TRPM3: variants seen among roughly 807,000 people sequenced by gnomAD.
The protein encoded by TRPM3 is long transient receptor potential channel 3.
In TRPM3, 77 loss-of-function variants were observed where a neutral mutation model predicts 181.2. The observed-to-expected ratio is 0.42, with a 90% CI of 0.35 to 0.51. The LOEUF is 0.51. Among genes scored for constraint, TRPM3 ranks in the 20% least tolerant of loss-of-function variants. The pLI is 0.01. For missense variants in TRPM3, 1,759 were observed against 2,196.7 expected, an observed-to-expected ratio of 0.80 and a Z score of 3.98; for synonymous variants, 745 against 796.4, an observed-to-expected ratio of 0.94 and a Z score of 1.09.
chr9:70,790,010 T>G (rs943468058), intron 6 of TRPM3, among the ~76,000 whole-genome samples: 1 of 152,236 alleles, frequency 6.6e-6, no homozygotes. Context: ...CTTCTTCTCT[T>G]TATTAACAGC....
intron 9 of TRPM3, among the ~76,000 whole-genome samples, chr9:70,677,594 G>A (rs1381046610): frequency 6.6e-6 from 1 of 152,218 alleles, no homozygotes; most frequent in Non-Finnish European, 1.5e-5. Flanking sequence ...CCCTCTCAGT[G>A]TGTTAGCATT....
intron 7 of TRPM3, among the ~76,000 whole-genome samples, chr9:70,783,021 T>A (rs1187939789): frequency 6.6e-6 from 1 of 152,064 alleles, no homozygotes; most frequent in Non-Finnish European, 1.5e-5. Context: ...GCAGGCTGGG[T>A]ACAAGAGGGA....
At chr9:70,962,232 A>G (rs955383218) in intron 1 of TRPM3, among the ~76,000 whole-genome samples, 3 of 152,276 alleles carry the variant, frequency 2.0e-5, no homozygotes, top group African/African-American at 7.2e-5. Flanking sequence ...CAGTAAGGTT[A>G]TAGGGGAGAG....
chr9:70,823,013 C>T (rs1422873124), intron 6 of TRPM3, among the ~76,000 whole-genome samples: 1 of 152,176 alleles, frequency 6.6e-6, no homozygotes, highest in African/African-American at 2.4e-5. Flanking sequence ...TCCAGCATCT[C>T]TGGCATCCTG....
At chr9:70,684,855 AT>A (rs1433729048) in intron 8 of TRPM3, among the ~76,000 whole-genome samples, 1 of 152,160 alleles carries the variant, frequency 6.6e-6, no homozygotes. Flanking sequence ...CACCAGTCTT[AT>A]CTGGTTTGGG....
chr9:71,068,056 T>C (rs2062168977), intron 1 of TRPM3, among the ~76,000 whole-genome samples: 1 of 152,206 alleles, frequency 6.6e-6, no homozygotes, highest in Non-Finnish European at 1.5e-5. Flanking sequence ...CCAACTTACA[T>C]GCTCTCTGAT....
intron 19 of TRPM3, among the ~76,000 whole-genome samples, 185 bp downstream of exon 19, chr9:70,610,424 G>T (rs1043351466): frequency 6.6e-6 from 1 of 152,128 alleles, no homozygotes; most frequent in African/African-American, 2.4e-5. Flanking sequence ...GGCAAAATGT[G>T]GCCTGTGAAA....
chr9:71,346,244 A>T (rs990651150), intron 1 of TRPM3, among the ~76,000 whole-genome samples: 6 of 152,258 alleles, frequency 3.9e-5, no homozygotes, highest in African/African-American at 1.2e-4. Flanking sequence ...TCGTTAAAGT[A>T]TCCAACTGTA....
chr9:71,179,079 T>C (rs905360409), intron 1 of TRPM3, among the ~76,000 whole-genome samples: 4 of 152,174 alleles, frequency 2.6e-5, no homozygotes, highest in South Asian at 4.1e-4. Context: ...ATATTGAACC[T>C]TGATTTTCCC....
chr9:70,634,261 C>T (rs1166026882), intron 12 of TRPM3, among the ~76,000 whole-genome samples: 1 of 152,080 alleles, frequency 6.6e-6, no homozygotes, highest in Non-Finnish European at 1.5e-5. Context: ...AGGCACACAC[C>T]ACCATGCCAA....
At chr9:70,846,148 C>T (rs1589172996) in intron 4 of TRPM3, among the ~76,000 whole-genome samples, 1 of 152,278 alleles carries the variant, frequency 6.6e-6, no homozygotes, top group Non-Finnish European at 1.5e-5. Context: ...TCTGTATAGT[C>T]AACTATTAAA....
At chr9:71,303,379 A>G (rs2086958502) in intron 1 of TRPM3, among the ~76,000 whole-genome samples, 1 of 152,252 alleles carries the variant, frequency 6.6e-6, no homozygotes, top group African/African-American at 2.4e-5. Context: ...TCTGCAGTAG[A>G]CATTTTAACA....
intron 1 of TRPM3, among the ~76,000 whole-genome samples, chr9:71,119,862 G>C (rs967898883): frequency 1.3e-5 from 2 of 152,130 alleles, no homozygotes; most frequent in Non-Finnish European, 2.9e-5. Flanking sequence ...CCAAGGAAAA[G>C]TCTCTTCTAC....
chr9:71,093,272 G>A (rs909170579), intron 1 of TRPM3, among the ~76,000 whole-genome samples: 10 of 151,922 alleles, frequency 6.6e-5, no homozygotes, highest in Admixed American at 6.6e-4. Flanking sequence ...CACAACGAAA[G>A]AAACTATCAT....
intron 1 of TRPM3, among the ~76,000 whole-genome samples, chr9:70,866,627 A>C (rs193227064): frequency 9.2e-5 from 14 of 152,172 alleles, no homozygotes; most frequent in Admixed American, 7.9e-4. Context: ...TGAGGGGACT[A>C]TGAAATTGGT....
intron 1 of TRPM3, among the ~76,000 whole-genome samples, chr9:70,945,193 C>T (rs1398881332): frequency 6.6e-6 from 1 of 152,162 alleles, no homozygotes; most frequent in Non-Finnish European, 1.5e-5. Flanking sequence ...TTTCTCAGGA[C>T]AAAATAGAGC....
At chr9:71,207,862 C>T (rs1291565987) in intron 1 of TRPM3, among the ~76,000 whole-genome samples, 2 of 152,116 alleles carry the variant, frequency 1.3e-5, no homozygotes, top group Non-Finnish European at 2.9e-5. Context: ...TCCTTGGCCC[C>T]ATACAGCTTA....
chr9:70,922,947 A>C (rs1264142006), intron 1 of TRPM3, among the ~76,000 whole-genome samples: 2 of 152,192 alleles, frequency 1.3e-5, no homozygotes, highest in Admixed American at 1.3e-4. Flanking sequence ...ACAAAAGCTC[A>C]TCTGCTATGA....
At chr9:70,960,398 A>C (rs2097125592) in intron 1 of TRPM3, among the ~76,000 whole-genome samples, 1 of 152,180 alleles carries the variant, frequency 6.6e-6, no homozygotes, top group Non-Finnish European at 1.5e-5. Context: ...AAGATATTGC[A>C]GCTTGCATAT....
Sources: gnomAD v4.1 joint callset for allele counts (sites outside exome capture counted in the v4.1 genomes callset) on GRCh38, gnomAD v4.1.1 for gene constraint, MANE v1.5 for transcripts, NCBI Gene and HGNC (gene_info 2026-07-23, HGNC 2026-07-21) for gene names.